MORN1: variants seen among roughly 807,000 people sequenced by gnomAD.
MORN1 encodes MORN repeat containing 1, also known as MORN repeat-containing protein 1.
Under a neutral mutation model 61.9 loss-of-function variants are expected in MORN1, and 67 were observed. That is an observed-to-expected ratio of 1.08 (90% CI 0.89 to 1.33). The LOEUF (loss-of-function observed/expected upper bound fraction) is 1.33, where lower values mean the gene tolerates loss of function less well. Ranked by LOEUF, MORN1 falls within the 40% of genes most tolerant of loss-of-function variation. The pLI, the probability that MORN1 is intolerant of heterozygous loss-of-function variation, is 0.00. For missense variants in MORN1, 752 were observed against 691.2 expected, an observed-to-expected ratio of 1.09 and a Z score of -0.99; for synonymous variants, 301 against 292.0, an observed-to-expected ratio of 1.03 and a Z score of -0.31.
chr1:2,352,065 G>C lies in MORN1; in HGVS notation c.1036+5367C>G, dbSNP rs544208240. On this transcript the variant is annotated intron_variant, in intron 10 of 13. Coordinates refer to ENST00000378531, the MANE Select transcript of MORN1 (RefSeq NM_024848.3). ...GAGTCCACCAAGACCCTAGCATACT[G>C]TTGATCCATCTCAGTCACTTTTTCC... 6.5e-5 allele frequency: 35 copies of C among 537,034 alleles called. No homozygotes were observed. In the African/African-American group the frequency reaches 6.6e-4, roughly 10 times the overall value. The allele number at this position is 537,034 out of a possible 1,614,324, so 33.3% of individuals were successfully genotyped here.
intron 6 of MORN1, among the ~76,000 whole-genome samples, chr1:2,380,744 C>T (rs1392457140): frequency 6.6e-6 from 1 of 152,130 alleles, no homozygotes; most frequent in African/African-American, 2.4e-5. Flanking sequence ...TTTGTAGAGA[C>T]AGGGTCTCCC....
chr1:2,385,920 G>A, intron 4 of MORN1, 23 bp from the exon 5 acceptor site: 1 of 1,609,002 alleles, frequency 6.2e-7, no homozygotes, highest in Non-Finnish European at 8.5e-7. Context: ...CCGAGAGACA[G>A]ACTTGGCTTT....
rs1437501658 is a variant in MORN1, at chr1:2,345,853, ACAG to A, written c.1037-9006_1037-9004del. Among the ~76,000 whole-genome samples the A allele has an allele frequency of 1.6e-3, 163 of 99,654 alleles. 1 individual carries two copies. The East Asian group carries it at 0.024, about 15-fold the overall frequency. 65.4% of individuals were successfully genotyped at this position (99,654 alleles called of 152,430 possible). A position where few individuals can be genotyped will look rare whatever the true frequency, so the allele number is the denominator to read the frequency against. ...GCCACACACACACACACACACACAC[ACAG>A]ATGTTTGCTCTTATCTCTATGACGC... On this transcript the variant is annotated intron_variant, in intron 10 of 13. Coordinates refer to ENST00000378531, the MANE Select transcript of MORN1 (RefSeq NM_024848.3).
In MORN1 at chr1:2,353,256, A is replaced by T. The variant is rs1641689728; in HGVS notation, c.1036+4176T>A. Among the ~76,000 whole-genome samples, 3 of 152,340 alleles carry T rather than the reference A, an allele frequency of 2.0e-5. No homozygotes were observed. The South Asian group carries it at 6.2e-4, about 32-fold the overall frequency. ...CTTACAAGGAAATGATTCCTAGTGT[A>T]TTTTCCCTGGACACGCTGGACAGCC... On this transcript the variant is annotated intron_variant, in intron 10 of 13. Transcript: ENST00000378531.
At chr1:2,391,350 ACCT>A in intron 1 of MORN1, 105 bp downstream of exon 1, 1 of 1,193,250 alleles carries the variant, frequency 8.4e-7, no homozygotes, top group Non-Finnish European at 1.1e-6. Context: ...CGGCACCTGG[ACCT>A]CTACTTTCCG....
At chr1:2,350,874 G>T (rs1037868913) in intron 10 of MORN1, 6 of 152,322 alleles carry the variant, frequency 3.9e-5, no homozygotes, top group African/African-American at 1.4e-4. Context: ...ACGTGAGGCG[G>T]TGTGGCTTTG....
rs1642327246 is a variant in MORN1 at position 2,379,655 on chromosome 1, CAGTG to C, written c.538-5102_538-5099del. On this transcript the variant is annotated intron_variant, in intron 6 of 13. Transcript: ENST00000378531. ...GGTGCGCAGTGGTGGCCACGGCTGA[CAGTG>C]GGTGGGCTTGCATCTCAATTGTGGT... Among the ~76,000 whole-genome samples, 5 of 152,282 alleles carry C rather than the reference CAGTG, an allele frequency of 3.3e-5. No individual in the cohort carries two copies. In the South Asian group the frequency reaches 8.3e-4, roughly 25 times the overall value.
At chr1:2,391,259 G>T (rs899509378) in intron 1 of MORN1, among the ~76,000 whole-genome samples, 199 bp downstream of exon 1, 1 of 152,180 alleles carries the variant, frequency 6.6e-6, no homozygotes, top group Admixed American at 6.5e-5. Context: ...AGGAGGGCTC[G>T]GGGAAGGGTG....
intron 5 of MORN1, 165 bp downstream of exon 5, chr1:2,385,642 T>C: frequency 3.4e-6 from 2 of 591,030 alleles, no homozygotes; most frequent in Non-Finnish European, 6.0e-6. Context: ...CCACAGAATG[T>C]GGTTCAACAA....
In MORN1 at chr1:2,385,168, C is replaced by T. The variant is rs763478168; in HGVS notation, c.450-103G>A. On this transcript the variant is annotated intron_variant, in intron 5 of 13. Coordinates refer to ENST00000378531, the MANE Select transcript of MORN1 (RefSeq NM_024848.3). ...CCGGGCTCCGCAGGCACTGCGGGAC[C>T]GAGGCAAAAATAGGCCCGAGCAGAT... The T allele has an allele frequency of 6.2e-5, 78 of 1,253,020 alleles. 2 individuals carry two copies. In the South Asian group the frequency reaches 8.0e-4, roughly 13 times the overall value. The allele number at this position is 1,253,020 out of a possible 1,614,324, so 77.6% of individuals were successfully genotyped here. A position where few individuals can be genotyped will look rare whatever the true frequency, so the allele number is the denominator to read the frequency against.
At chr1:2,343,414 C>A (rs1400709034) in intron 10 of MORN1, among the ~76,000 whole-genome samples, 6 of 152,226 alleles carry the variant, frequency 3.9e-5, no homozygotes, top group Admixed American at 3.9e-4. Flanking sequence ...ACCAGCCCTG[C>A]CGGGGCCAGG....
intron 1 of MORN1, 82 bp from the exon 2 acceptor site, chr1:2,390,078 C>G (rs2100383815): frequency 1.5e-6 from 2 of 1,350,524 alleles, no homozygotes; most frequent in Non-Finnish European, 2.1e-6. Flanking sequence ...GGGAGTGCAG[C>G]TCCCTTGAGG....
At chr1:2,323,722 T>G (rs1469792967) in intron 13 of MORN1, 1 of 985,320 alleles carries the variant, frequency 1.0e-6, no homozygotes, top group Non-Finnish European at 1.2e-6. Context: ...CCGGCCTTGC[T>G]GGGGAGCAGC....
chr1:2,336,074 GTCCTCCA>G (rs1226497297), intron 12 of MORN1, among the ~76,000 whole-genome samples: 1 of 152,140 alleles, frequency 6.6e-6, no homozygotes, highest in Non-Finnish European at 1.5e-5. Flanking sequence ...TCCCACTCCT[GTCCTCCA>G]GCTCACAGAG....
intron 10 of MORN1, chr1:2,351,181 G>C (rs2100290081): frequency 6.6e-6 from 1 of 152,634 alleles, no homozygotes; most frequent in East Asian, 1.9e-4. Context: ...TGCTGCGTGA[G>C]CACAGCTGCC....
chr1:2,344,577 G>A (rs527997622), intron 10 of MORN1, among the ~76,000 whole-genome samples: 1 of 152,336 alleles, frequency 6.6e-6, no homozygotes, highest in Admixed American at 6.5e-5. Flanking sequence ...GTGTGGGCCG[G>A]GCTGTGCAAA....
intron 9 of MORN1, among the ~76,000 whole-genome samples, chr1:2,358,024 T>C (rs1156811950): frequency 6.6e-6 from 1 of 152,128 alleles, no homozygotes; most frequent in East Asian, 1.9e-4. Context: ...AAGTTCTGAC[T>C]GTGAATGGTA....
chr1:2,331,610 G>A (rs1320095787), intron 12 of MORN1, among the ~76,000 whole-genome samples: 2 of 152,160 alleles, frequency 1.3e-5, no homozygotes, highest in African/African-American at 4.8e-5. Context: ...GGCAGACATG[G>A]CCTCTGTGCC....
At chr1:2,347,995 C>T (rs2643911) in intron 10 of MORN1, among the ~76,000 whole-genome samples, 23,048 of 152,220 alleles carry the variant, frequency 0.15, 2,358 homozygotes, top group Admixed American at 0.31. Flanking sequence ...ACAGCCGTCC[C>T]GGGGCAGGGC....
Sources: allele counts gnomAD v4.1 joint callset (sites outside exome capture counted in the v4.1 genomes callset), GRCh38; gene constraint gnomAD v4.1.1; transcripts MANE v1.5; gene names NCBI Gene and HGNC (gene_info 2026-07-23, HGNC 2026-07-21).